CCDC158: variants seen among roughly 807,000 people sequenced by gnomAD.
The protein encoded by CCDC158 is coiled-coil domain-containing protein 158.
CCDC158 carries 116 observed loss-of-function variants against 138.6 expected under a neutral mutation model. The ratio of observed to expected loss-of-function variants is 0.84; its 90% CI spans 0.72 to 0.98. The LOEUF (loss-of-function observed/expected upper bound fraction) is 0.98, where lower values mean the gene tolerates loss of function less well. Among genes scored for constraint, CCDC158 ranks in the 50% least tolerant of loss-of-function variants. The pLI is 0.00. For missense variants in CCDC158, 1,265 were observed against 1,306.1 expected (o/e 0.97, Z 0.48); for synonymous variants, 436 against 442.4 (o/e 0.99, Z 0.18).
chr4:76,334,038 TTCTTCCA>T lies in CCDC158; in HGVS notation c.2787_2793del (p.Asp929GlufsTer11). 6.2e-7 allele frequency: 1 copy of T among 1,613,106 alleles called. No homozygotes were observed. The highest frequency in any genetic ancestry group is 8.5e-7 in the Non-Finnish European group (1 of 1,179,338). On this transcript the variant is annotated frameshift_variant, in exon 19 of 25. Coordinates refer to ENST00000682701, the MANE Select transcript of CCDC158 (RefSeq NM_001394954.1). LOFTEE classifies it high-confidence loss of function. ...GCCACATACAAGGCTCCCAGAGATG[TTCTTCCA>T]TCTTCCTCTGTCTTGCTCAGAGACA...
chr4:76,314,750 G>T (rs533321458), intron 24 of CCDC158, among the ~76,000 whole-genome samples: 2 of 152,202 alleles, frequency 1.3e-5, no homozygotes, highest in Non-Finnish European at 2.9e-5. Context: ...GCCCAGGGAA[G>T]CCATCCCTGA....
At chr4:76,381,015 T>G (rs955038163) in intron 8 of CCDC158, among the ~76,000 whole-genome samples, 3 of 152,234 alleles carry the variant, frequency 2.0e-5, no homozygotes, top group Non-Finnish European at 4.4e-5. Flanking sequence ...AGTTGAGGTT[T>G]GGAAACCTCT....
intron 18 of CCDC158, among the ~76,000 whole-genome samples, chr4:76,339,955 G>C (rs1305908800): frequency 6.6e-6 from 1 of 152,186 alleles, no homozygotes; most frequent in Non-Finnish European, 1.5e-5. Context: ...GCTTTCTAAA[G>C]GTAGATCACT....
intron 6 of CCDC158, 26 bp downstream of exon 6, chr4:76,384,062 A>G: frequency 1.4e-6 from 2 of 1,435,744 alleles, no homozygotes; most frequent in South Asian, 2.5e-5. Context: ...ATATAAAATT[A>G]TTTAAGTAGC....
At chr4:76,335,939 T>C (rs1457643010) in intron 18 of CCDC158, among the ~76,000 whole-genome samples, 2 of 151,638 alleles carry the variant, frequency 1.3e-5, no homozygotes, top group African/African-American at 2.4e-5. Context: ...CCCAGCACTT[T>C]GGGAGGCCAA....
In CCDC158 at chr4:76,371,394, C is replaced by T. The variant is rs745309238; in HGVS notation, c.1149+23G>A. ...AAAACTTCCCAGAATTAGTCTTATT[C>T]ATATTTTAAAGCATAATCTTACCAA... On this transcript the variant is annotated intron_variant, in intron 10 of 24. Transcript: ENST00000682701. 6 of 1,609,242 alleles carry T rather than the reference C, an allele frequency of 3.7e-6. No individual in the cohort carries two copies. The African/African-American group carries it at 8.0e-5, about 22-fold the overall frequency.
chr4:76,325,032 C>T (rs1309627970), intron 23 of CCDC158, among the ~76,000 whole-genome samples: 1 of 152,164 alleles, frequency 6.6e-6, no homozygotes, highest in Non-Finnish European at 1.5e-5. Context: ...GGTTTGCACA[C>T]ACTTGCCCAC....
At chr4:76,351,153 C>T in intron 17 of CCDC158, 32 bp from the exon 18 acceptor site, 1 of 1,571,392 alleles carries the variant, frequency 6.4e-7, no homozygotes, top group Non-Finnish European at 8.6e-7. Flanking sequence ...AGCAAAATAA[C>T]TGCCAGCCTA....
chr4:76,333,181 ACT>A (rs765103259), intron 19 of CCDC158, among the ~76,000 whole-genome samples: 5 of 152,148 alleles, frequency 3.3e-5, no homozygotes, highest in Non-Finnish European at 5.9e-5. Flanking sequence ...AATTAGATAA[ACT>A]CAGCTAATAT....
chr4:76,314,270 A>C (rs1392661763), intron 24 of CCDC158, among the ~76,000 whole-genome samples: 1 of 152,250 alleles, frequency 6.6e-6, no homozygotes, highest in African/African-American at 2.4e-5. Context: ...ACATCAGATA[A>C]ATTCAGAAAC....
intron 18 of CCDC158, 62 bp from the exon 19 acceptor site, chr4:76,334,229 C>A: frequency 1.4e-6 from 2 of 1,390,320 alleles, no homozygotes; most frequent in South Asian, 1.7e-5. Context: ...TTTCCTATCA[C>A]AAAATTAATG....
At chr4:76,380,865 C>T (rs1001958763) in intron 8 of CCDC158, among the ~76,000 whole-genome samples, 9 of 152,214 alleles carry the variant, frequency 5.9e-5, no homozygotes, top group Non-Finnish European at 8.8e-5. Flanking sequence ...GTACATGGCA[C>T]CCTGTGTCCC....
chr4:76,394,495 G>A (rs1727595357), intron 4 of CCDC158, among the ~76,000 whole-genome samples: 1 of 151,932 alleles, frequency 6.6e-6, no homozygotes, highest in Non-Finnish European at 1.5e-5. Flanking sequence ...GGGTAGTGGG[G>A]GAGTGAAGGA....
chr4:76,332,731 G>A (rs955750821), intron 19 of CCDC158, among the ~76,000 whole-genome samples: 2 of 152,160 alleles, frequency 1.3e-5, no homozygotes, highest in African/African-American at 4.8e-5. Context: ...GACATTTATA[G>A]GATTATAGCA....
intron 11 of CCDC158, among the ~76,000 whole-genome samples, chr4:76,368,244 G>A (rs1242115439): frequency 6.6e-6 from 1 of 152,138 alleles, no homozygotes; most frequent in Non-Finnish European, 1.5e-5. Context: ...GGCAATGGGG[G>A]GAAGGGTGGC....
chr4:76,417,600 C>A (rs573415597), intron 1 of CCDC158, among the ~76,000 whole-genome samples: 22 of 132,314 alleles, frequency 1.7e-4, no homozygotes, highest in Middle Eastern at 7.5e-3. Flanking sequence ...GTAAGAAGTG[C>A]CTTTTGCCTC....
In CCDC158 at chr4:76,384,352, A is replaced by G. The variant is rs747296660; in HGVS notation, c.462T>C (p.Leu154=). ...CCTCTTTAAGGCATTTGGCAGCTTC[A>G]AGTTCATGAACTGTATTTTGAAGCT... ...RNQLQNTVHE[L]EAAKCLKEDM... Residue 154 remains leucine (L), a synonymous_variant, in exon 6 of 25, where the codon CTT becomes CTC. Transcript: ENST00000682701. The G allele has an allele frequency of 4.3e-6, 7 of 1,614,124 alleles. No individual in the cohort carries two copies. In the South Asian group the frequency reaches 6.6e-5, roughly 15 times the overall value.
intron 9 of CCDC158, among the ~76,000 whole-genome samples, chr4:76,371,739 AC>A (rs944857068): frequency 2.6e-5 from 4 of 152,048 alleles, no homozygotes; most frequent in African/African-American, 9.7e-5. Flanking sequence ...GGATTTTGAG[AC>A]CAGCCTGGCC....
chr4:76,352,980 T>A (rs1415095655), intron 16 of CCDC158, 143 bp downstream of exon 16: 2 of 633,544 alleles, frequency 3.2e-6, no homozygotes, highest in African/African-American at 3.8e-5. Context: ...TAGGATAGGG[T>A]TTTCCTTTGT....
Sources: allele counts gnomAD v4.1 joint callset (sites outside exome capture counted in the v4.1 genomes callset), GRCh38; gene constraint gnomAD v4.1.1; transcripts MANE v1.5; gene names NCBI Gene and HGNC (gene_info 2026-07-23, HGNC 2026-07-21).